The following UBAP1 variants were observed in gnomAD, a reference collection of about 807,000 sequenced individuals.
The protein encoded by UBAP1 is ubiquitin-associated protein 1.
Under a neutral mutation model 39.0 loss-of-function variants are expected in UBAP1, and 5 were observed. The observed-to-expected ratio is 0.13, with a 90% CI of 0.07 to 0.27. The LOEUF (loss-of-function observed/expected upper bound fraction) is 0.27. Among genes scored for constraint, UBAP1 ranks in the 10% least tolerant of loss-of-function variants. UBAP1 has a pLI of 1.00. For synonymous variants in UBAP1, 211 were observed against 225.1 expected (o/e 0.94, Z 0.56); for missense variants, 490 against 608.1 (o/e 0.81, Z 2.04).
rs536366141 is a variant in UBAP1 at position 34,214,494 on chromosome 9, A to G, written c.-7-6414A>G. ...GTAGGACAATGAAACTGGATCCTAT[A>G]CAAGATAGATTAAGGACTTAACGAC... is the stretch of plus-strand genomic sequence containing the variant. On this transcript the variant is annotated intron_variant, in intron 1 of 6. Coordinates refer to ENST00000297661, the MANE Select transcript of UBAP1 (RefSeq NM_016525.5). Among the ~76,000 whole-genome samples, 10 of 152,024 alleles carry G rather than the reference A, an allele frequency of 6.6e-5. 1 individual carries two copies. The highest frequency in any genetic ancestry group is 2.4e-4 in the African/African-American group (10 of 41,536).
chr9:34,242,421 T>G (rs938198878), intron 4 of UBAP1, among the ~76,000 whole-genome samples: 1 of 152,184 alleles, frequency 6.6e-6, no homozygotes, highest in African/African-American at 2.4e-5. Flanking sequence ...GTGCTGGGAT[T>G]ACAGGTGTGA....
chr9:34,216,895 A>T (rs1832353321), intron 1 of UBAP1, among the ~76,000 whole-genome samples: 1 of 151,856 alleles, frequency 6.6e-6, no homozygotes, highest in South Asian at 2.1e-4. Flanking sequence ...TAATTTTGAA[A>T]TATAGAATAT....
intron 1 of UBAP1, among the ~76,000 whole-genome samples, chr9:34,181,230 A>G (rs1355926140): frequency 1.4e-5 from 2 of 139,730 alleles, no homozygotes; most frequent in African/African-American, 2.7e-5. Context: ...CTCCTGCCTC[A>G]GCCTCCTCAG....
At chr9:34,191,819 A>G (rs562880046) in intron 1 of UBAP1, 1 of 152,614 alleles carries the variant, frequency 6.6e-6, no homozygotes, top group African/African-American at 2.4e-5. Context: ...TTCCAAAGGA[A>G]TCTTCCTGCT....
intron 1 of UBAP1, among the ~76,000 whole-genome samples, chr9:34,196,860 T>G (rs1321906138): frequency 6.6e-6 from 1 of 152,008 alleles, no homozygotes; most frequent in Non-Finnish European, 1.5e-5. Context: ...TTTCTTTGTT[T>G]TCATTTTGTT....
chr9:34,239,613 A>G (rs1430778763), intron 3 of UBAP1, among the ~76,000 whole-genome samples: 1 of 152,260 alleles, frequency 6.6e-6, no homozygotes, highest in East Asian at 1.9e-4. Context: ...GTCATGGTTT[A>G]GAACATCCTC....
At chr9:34,209,692 T>G (rs993179596) in intron 1 of UBAP1, among the ~76,000 whole-genome samples, 3 of 127,648 alleles carry the variant, frequency 2.4e-5, no homozygotes, top group Non-Finnish European at 3.3e-5. Context: ...TTATCTTTCA[T>G]TAGTTACCTA....
intron 2 of UBAP1, among the ~76,000 whole-genome samples, chr9:34,226,127 G>GTGTGTGTGTGTGTGTGTGTGTGTGTGTT (rs1833068682): frequency 2.5e-4 from 35 of 137,414 alleles, no homozygotes; most frequent in Admixed American, 5.4e-4. Flanking sequence ...GTGTGTGTGT[G>GTGTGTGTGTGTGTGTGTGTGTGTGTGTT]TGTGTGTGTG....
chr9:34,206,748 T>C (rs1166584216), intron 1 of UBAP1, among the ~76,000 whole-genome samples: 3 of 152,196 alleles, frequency 2.0e-5, no homozygotes, highest in Non-Finnish European at 4.4e-5. Context: ...TTACTATACC[T>C]TTGATCCATC....
chr9:34,203,392 A>G (rs905414460), intron 1 of UBAP1, among the ~76,000 whole-genome samples: 2 of 152,170 alleles, frequency 1.3e-5, no homozygotes, highest in African/African-American at 2.4e-5. Flanking sequence ...TTTTGGTATC[A>G]GTGTTATGCT....
At chr9:34,210,727 A>C (rs1311248104) in intron 1 of UBAP1, among the ~76,000 whole-genome samples, 6 of 87,848 alleles carry the variant, frequency 6.8e-5, no homozygotes, top group Non-Finnish European at 1.5e-4. Context: ...CTTTAAAAAA[A>C]AAAAAAATTT....
At position 34,243,846 on chromosome 9, in the gene UBAP1, A is replaced by AT. The variant is rs201025827; in HGVS notation, c.1083+1745dup. Among the ~76,000 whole-genome samples the AT allele has an allele frequency of 6.1e-4, 91 of 149,766 alleles. 2 individuals carry two copies. In the East Asian group the frequency reaches 0.016, roughly 26 times the overall value. ...CTTATCAAATGGTAGATCTTATTCT[A>AT]TTTTTTTCTTTGCTTTTTTCTTCAA... On this transcript the variant is annotated intron_variant, in intron 4 of 6. Coordinates refer to ENST00000297661, the MANE Select transcript of UBAP1 (RefSeq NM_016525.5).
intron 1 of UBAP1, among the ~76,000 whole-genome samples, chr9:34,190,629 CTTTCTTTTTTT>C (rs1011192188): frequency 2.1e-5 from 3 of 143,526 alleles, no homozygotes; most frequent in African/African-American, 7.8e-5. Flanking sequence ...TCCTTTCTTT[CTTTCTTTTTTT>C]TTTTTTTTTT....
chr9:34,199,601 G>A lies in UBAP1; in HGVS notation c.-8+20361G>A, dbSNP rs548010324. ...TCAACTAAACTCTGGACTGTATTTA[G>A]ATTTCCCCTGTTTTTCTTTCTTCTT... is the stretch of plus-strand genomic sequence containing the variant. On this transcript the variant is annotated intron_variant, in intron 1 of 6. Transcript: ENST00000297661. 2.0e-5 allele frequency among the ~76,000 whole-genome samples: 3 copies of A among 150,972 alleles called. No individual in the cohort carries two copies. In the East Asian group the frequency reaches 5.8e-4, roughly 29 times the overall value.
At chr9:34,217,817 A>G (rs1282510223) in intron 1 of UBAP1, among the ~76,000 whole-genome samples, 1 of 50,984 alleles carries the variant, frequency 2.0e-5, no homozygotes, top group African/African-American at 7.1e-5. Context: ...TTTTTTTGAG[A>G]CAGACAGTCT....
intron 2 of UBAP1, among the ~76,000 whole-genome samples, chr9:34,223,288 G>A (rs1410643366): frequency 1.3e-5 from 2 of 151,946 alleles, no homozygotes; most frequent in South Asian, 2.1e-4. Context: ...AAATTAGCCG[G>A]GTGTAGTGAC....
intron 1 of UBAP1, among the ~76,000 whole-genome samples, chr9:34,192,876 T>A (rs1830809804): frequency 6.7e-6 from 1 of 149,508 alleles, no homozygotes; most frequent in African/African-American, 2.4e-5. Flanking sequence ...TATATAAAAA[T>A]ATTAGTTCTT....
At chr9:34,195,653 A>G (rs1830989495) in intron 1 of UBAP1, among the ~76,000 whole-genome samples, 1 of 150,942 alleles carries the variant, frequency 6.6e-6, no homozygotes, top group Non-Finnish European at 1.5e-5. Context: ...GCTGGAGTGC[A>G]ATGGCGCGAT....
At chr9:34,190,673 G>C (rs1277588287) in intron 1 of UBAP1, among the ~76,000 whole-genome samples, 1 of 117,594 alleles carries the variant, frequency 8.5e-6, no homozygotes, top group Non-Finnish European at 1.7e-5. Context: ...TCGCTCTGTT[G>C]CCCAGGCTGG....
Sources: gnomAD v4.1 joint callset for allele counts (sites outside exome capture counted in the v4.1 genomes callset) on GRCh38, gnomAD v4.1.1 for gene constraint, MANE v1.5 for transcripts, NCBI Gene and HGNC (gene_info 2026-07-23, HGNC 2026-07-21) for gene names.